ADA2: variants seen among roughly 807,000 people sequenced by gnomAD.
The protein encoded by ADA2 is adenosine deaminase CECR1.
Under a neutral mutation model 44.2 loss-of-function variants are expected in ADA2, and 29 were observed. The observed-to-expected ratio is 0.66, with a 90% CI of 0.49 to 0.89. ADA2 has a LOEUF of 0.89. Among genes scored for constraint, ADA2 ranks in the 40% least tolerant of loss-of-function variants. The probability of loss-of-function intolerance (pLI) is 0.00; values close to 1 mark genes in which losing one functional copy is unlikely to be tolerated. For synonymous variants in ADA2, 215 were observed against 234.9 expected, an observed-to-expected ratio of 0.92 and a Z score of 0.77; for missense variants, 637 against 644.8, an observed-to-expected ratio of 0.99 and a Z score of 0.13.
At chr22:17,207,412 G>GTT in intron 2 of ADA2, 122 bp from the exon 3 acceptor site, 1 of 683,234 alleles carries the variant, frequency 1.5e-6, no homozygotes, top group Non-Finnish European at 2.5e-6. Context: ...GGGGACAAAG[G>GTT]GGTGAAGTCC....
At chr22:17,209,816 C>G in intron 1 of ADA2, 93 bp from the exon 2 acceptor site, 1 of 673,490 alleles carries the variant, frequency 1.5e-6, no homozygotes, top group Non-Finnish European at 2.5e-6. Flanking sequence ...TACCAGAAGG[C>G]AAGATATTGA....
chr22:17,213,548 G>C (rs2062438983), intron 1 of ADA2: 1 of 301,410 alleles, frequency 3.3e-6, no homozygotes, highest in Non-Finnish European at 6.7e-6. Context: ...GACTTCTAAA[G>C]CTGAAAGGCG....
intron 2 of ADA2, among the ~76,000 whole-genome samples, chr22:17,208,393 C>A (rs1240750736): frequency 6.9e-6 from 1 of 144,408 alleles, no homozygotes; most frequent in Non-Finnish European, 1.5e-5. Flanking sequence ...CACCGCACTC[C>A]AGCCTGGGCG....
chr22:17,185,527 T>G (rs2062026532), intron 7 of ADA2, among the ~76,000 whole-genome samples: 1 of 152,190 alleles, frequency 6.6e-6, no homozygotes, highest in Non-Finnish European at 1.5e-5. Flanking sequence ...ACCATACATC[T>G]TGGAACCTGT....
upstream of ADA2, among the ~76,000 whole-genome samples, chr22:17,220,816 A>G (rs961005939): frequency 3.3e-5 from 5 of 152,150 alleles, no homozygotes; most frequent in African/African-American, 1.2e-4. Context: ...AAGGTCATTC[A>G]TTTAATAAAC....
At chr22:17,190,135 A>C (rs573855694) in intron 5 of ADA2, 103 bp from the exon 6 acceptor site, 1 of 913,932 alleles carries the variant, frequency 1.1e-6, no homozygotes, top group Admixed American at 2.0e-5. Flanking sequence ...CCAAGTGTGC[A>C]GGTCCCGTTT....
rs143241785 is a variant in ADA2, at chr22:17,198,119, AT to A, written c.753+5443del. 6.3e-3 allele frequency among the ~76,000 whole-genome samples: 952 copies of A among 152,176 alleles called. 14 individuals are homozygous for A. Among genetic ancestry groups the A allele is most frequent in the African/African-American group, 0.022 (907 of 41,530 alleles). Reference sequence around the variant, plus strand: ...GGCTGGAGGCCGACCACATTTCAGAATTTTGCTTGCCCTGAGTTGTCTCCTG... The same window carrying A: ...GGCTGGAGGCCGACCACATTTCAGAATTTGCTTGCCCTGAGTTGTCTCCTG... On this transcript the variant is annotated intron_variant, in intron 4 of 9. Transcript: ENST00000399837.
Position 17,182,701 on chromosome 22 carries a change from C to G in ADA2, c.1142G>C (p.Arg381Thr), listed in dbSNP as rs1448177903. 6.2e-7 allele frequency: 1 copy of G among 1,614,042 alleles called. No individual in the cohort carries two copies. Among genetic ancestry groups the G allele is most frequent in the South Asian group, 1.1e-5 (1 of 91,072 alleles). ...ILDALMLNTT[R>T]IGHGFALSKH... Reference sequence around the variant, plus strand: ...GCTCAAAGCAAATCCATGGCCGATTCTGGTAGTGTTCAGCATCAGAGCATC... The same window carrying G: ...GCTCAAAGCAAATCCATGGCCGATTGTGGTAGTGTTCAGCATCAGAGCATC... The change falls in exon 8 of 10, where the codon AGA (arginine) becomes ACA (threonine). Residue 381 changes from arginine (R) to threonine (T), a missense_variant. Arg to Thr is a moderately conservative substitution (Grantham distance 71). Coordinates refer to ENST00000399837, the MANE Select transcript of ADA2 (RefSeq NM_001282225.2).
At chr22:17,182,344 TCCC>T (rs1220499550) in intron 8 of ADA2, among the ~76,000 whole-genome samples, 2 of 151,990 alleles carry the variant, frequency 1.3e-5, no homozygotes, top group Non-Finnish European at 2.9e-5. Context: ...TTCACTGGCC[TCCC>T]CCCATGTCCT....
At position 17,193,221 on chromosome 22, in the gene ADA2, G is replaced by GAACCA. The variant is rs578103079; in HGVS notation, c.754-1416_754-1412dup. 69 of 1,138,628 alleles carry GAACCA rather than the reference G, an allele frequency of 6.1e-5. No homozygotes were observed. The African/African-American group carries it at 9.8e-4, about 16-fold the overall frequency. 70.5% of individuals were successfully genotyped at this position (1,138,628 alleles called of 1,614,324 possible). On this transcript the variant is annotated intron_variant, in intron 4 of 9. Coordinates refer to ENST00000399837, the MANE Select transcript of ADA2 (RefSeq NM_001282225.2). ...ACATCGCTCACAACGTTTCCTCTAA[G>GAACCA]AACCACGAAGCCATCGTGGAAAGAG...
upstream of ADA2, among the ~76,000 whole-genome samples, chr22:17,221,129 T>G (rs1327484739): frequency 3.4e-5 from 5 of 148,850 alleles, no homozygotes; most frequent in African/African-American, 1.0e-4. Context: ...GATGACAGAG[T>G]GAGATTTTGT....
At chr22:17,193,045 G>T in intron 4 of ADA2, 2 of 737,688 alleles carry the variant, frequency 2.7e-6, no homozygotes, top group South Asian at 1.5e-5. Context: ...GTTCATAGAA[G>T]GTTCAAGGGC....
intron 7 of ADA2, among the ~76,000 whole-genome samples, chr22:17,187,019 A>C (rs2062043255): frequency 6.6e-6 from 1 of 151,722 alleles, no homozygotes; most frequent in Non-Finnish European, 1.5e-5. Context: ...ACAAAAAATT[A>C]GCCGGGCGTG....
At chr22:17,196,488 AC>A (rs2062192698) in intron 4 of ADA2, among the ~76,000 whole-genome samples, 2 of 152,106 alleles carry the variant, frequency 1.3e-5, no homozygotes, top group African/African-American at 2.4e-5. Flanking sequence ...TGTTAACCCA[AC>A]CCACAATTGT....
chr22:17,190,344 G>A (rs1326221040), intron 5 of ADA2, among the ~76,000 whole-genome samples: 1 of 152,192 alleles, frequency 6.6e-6, no homozygotes, highest in Non-Finnish European at 1.5e-5. Context: ...AGGCCAGGTG[G>A]CCTTGTTCCC....
At chr22:17,184,584 A>G (rs1198436319) in intron 7 of ADA2, among the ~76,000 whole-genome samples, 2 of 152,052 alleles carry the variant, frequency 1.3e-5, no homozygotes, top group African/African-American at 2.4e-5. Context: ...GGTGGGATGC[A>G]TGTACTCTAT....
intron 4 of ADA2, among the ~76,000 whole-genome samples, chr22:17,197,700 CT>C (rs1242006598): frequency 3.9e-5 from 6 of 152,218 alleles, no homozygotes; most frequent in Admixed American, 2.6e-4. Flanking sequence ...CAAAACTACA[CT>C]ATGAGGTAGG....
chr22:17,198,676 G>C (rs2062225077), intron 4 of ADA2: 1 of 152,182 alleles, frequency 6.6e-6, no homozygotes, highest in African/African-American at 2.4e-5. Context: ...TCTCCCATAA[G>C]CTCTCCCCTC....
chr22:17,188,096 G>A (rs1383666588), intron 7 of ADA2, among the ~76,000 whole-genome samples: 32 of 102,630 alleles, frequency 3.1e-4, no homozygotes, highest in African/African-American at 7.8e-4. Context: ...AAAAAAAGAA[G>A]AAGAAGAAAA....
Sources: allele counts gnomAD v4.1 joint callset (sites outside exome capture counted in the v4.1 genomes callset), GRCh38; gene constraint gnomAD v4.1.1; transcripts MANE v1.5; gene names NCBI Gene and HGNC (gene_info 2026-07-23, HGNC 2026-07-21).